DNAH10: variants seen among roughly 807,000 people sequenced by gnomAD.
The protein encoded by DNAH10 is dynein axonemal heavy chain 10.
In DNAH10, 348 loss-of-function variants were observed where a neutral mutation model predicts 506.6. The ratio of observed to expected loss-of-function variants is 0.69; its 90% CI spans 0.63 to 0.75. DNAH10 has a LOEUF of 0.75. Among genes scored for constraint, DNAH10 ranks in the 30% least tolerant of loss-of-function variants. The probability of loss-of-function intolerance (pLI) is 0.00; values close to 1 mark genes in which losing one functional copy is unlikely to be tolerated. For missense variants in DNAH10, 5,179 were observed against 5,787.1 expected, an observed-to-expected ratio of 0.89 and a Z score of 3.41; for synonymous variants, 2,059 against 2,198.6, an observed-to-expected ratio of 0.94 and a Z score of 1.78.
At chr12:123,924,876 T>C (rs1285974055) in intron 67 of DNAH10, among the ~76,000 whole-genome samples, 174 bp from the exon 68 acceptor site, 1 of 152,226 alleles carries the variant, frequency 6.6e-6, no homozygotes, top group Non-Finnish European at 1.5e-5. Flanking sequence ...GTTGCTCCTT[T>C]CTCAATGTCA....
At chr12:123,894,419 G>A (rs771346114) in intron 53 of DNAH10, among the ~76,000 whole-genome samples, 2 of 151,978 alleles carry the variant, frequency 1.3e-5, no homozygotes, top group African/African-American at 2.4e-5. Flanking sequence ...ACTACTGCCC[G>A]GCTAATTTTT....
intron 29 of DNAH10, among the ~76,000 whole-genome samples, chr12:123,841,061 G>A (rs1382273795): frequency 1.3e-5 from 2 of 152,206 alleles, no homozygotes; most frequent in South Asian, 2.1e-4. Flanking sequence ...CTCCAGCAGG[G>A]TTAGGGACAG....
chr12:123,821,907 A>G lies in DNAH10; in HGVS notation c.4179+1149A>G, dbSNP rs115909721. ...AACAAGGCGAAACCCCGTTTCTACT[A>G]AAAAATACAAAAAAAAGTTCCGGGC... On this transcript the variant is annotated intron_variant, in intron 24 of 78. Coordinates refer to ENST00000673944, the MANE Select transcript of DNAH10 (RefSeq NM_001372106.1). 9.4e-3 allele frequency among the ~76,000 whole-genome samples: 1,433 copies of G among 152,018 alleles called. 14 individuals carry two copies. The highest frequency in any genetic ancestry group is 0.031 in the African/African-American group (1,295 of 41,430).
At position 123,866,052 on chromosome 12, in the gene DNAH10, G is replaced by T; in HGVS notation, c.7146G>T (p.Trp2382Cys). The change falls in exon 41 of 79, where the codon TGG (tryptophan) becomes TGT (cysteine). Residue 2382 changes from tryptophan (W) to cysteine (C), a missense_variant. By Grantham distance (215) the Trp-to-Cys change is radical. This residue lies in a region of DNAH10 where 4,844 missense variants were observed against 5,430.5 expected (regional missense o/e 0.89). Coordinates refer to ENST00000673944, the MANE Select transcript of DNAH10 (RefSeq NM_001372106.1). ...AATATCGACCATACTGGAAAAAATG[G>T]GTTAATCAAATACCAAACAAGGTGA... ...NLKYRPYWKK[W>C]VNQIPNKVEQ... 6.2e-7 allele frequency: 1 copy of T among 1,608,120 alleles called. No homozygotes were observed. Among genetic ancestry groups the T allele is most frequent in the Non-Finnish European group, 8.5e-7 (1 of 1,178,184 alleles).
In DNAH10 at chr12:123,843,561, C is replaced by T. The variant is rs552560189; in HGVS notation, c.5360+2016C>T. On this transcript the variant is annotated intron_variant, in intron 30 of 78. Transcript: ENST00000673944. ...ACAAAGGTCAATGTTATTTTTATTG[C>T]TTTTCCTACTTATTTATTTATTTAT... 3.6e-3 allele frequency among the ~76,000 whole-genome samples: 542 copies of T among 151,654 alleles called. 6 individuals carry two copies. Among genetic ancestry groups the T allele is most frequent in the African/African-American group, 0.012 (500 of 40,974 alleles).
chr12:123,765,361 C>T (rs956025080), intron 1 of DNAH10, among the ~76,000 whole-genome samples: 16 of 152,122 alleles, frequency 1.1e-4, no homozygotes, highest in African/African-American at 3.1e-4. Context: ...ATTCACAGAA[C>T]ATAGAATTAC....
rs762202703 is a variant in DNAH10, at chr12:123,774,213, T to C, written c.570T>C (p.Tyr190=). Reference sequence around the variant, plus strand: ...AAATTATGCCAGAAACACTGGAGTATGGAATTATAAACGCTAATGTGCTCC... The same window carrying C: ...AAATTATGCCAGAAACACTGGAGTACGGAATTATAAACGCTAATGTGCTCC... ...AMEIMPETLE[Y]GIINANVLHF... The change falls in exon 5 of 79, where the codon TAT becomes TAC. Residue 190 remains tyrosine (Y), a synonymous_variant. Transcript: ENST00000673944. 2 of 1,611,646 alleles carry C rather than the reference T, an allele frequency of 1.2e-6. No homozygotes were observed. Among genetic ancestry groups the C allele is most frequent in the Non-Finnish European group, 8.5e-7 (1 of 1,179,316 alleles).
intron 16 of DNAH10, among the ~76,000 whole-genome samples, chr12:123,803,273 G>A (rs1436458140): frequency 6.6e-6 from 1 of 152,164 alleles, no homozygotes; most frequent in African/African-American, 2.4e-5. Flanking sequence ...CTTAGCCCGA[G>A]TTTACTGTTC....
chr12:123,917,511 G>A lies in DNAH10; in HGVS notation c.11003-73G>A, dbSNP rs146137385. 9.4e-4 allele frequency: 1,378 copies of A among 1,460,388 alleles called. 11 individuals are homozygous for A. The East Asian group carries it at 0.02, about 21-fold the overall frequency. 90.5% of individuals were successfully genotyped at this position (1,460,388 alleles called of 1,614,324 possible). On this transcript the variant is annotated intron_variant, in intron 63 of 78. Transcript: ENST00000673944. The surrounding 1 kb of genome is among the most constrained non-coding windows in gnomAD (Gnocchi z 5.6). Reference sequence around the variant, plus strand: ...CTGAGACCCGCGCTAAGCTTGTCCCGTCACAGCAGGGCAGCGGGAGAGACT... The same window carrying A: ...CTGAGACCCGCGCTAAGCTTGTCCCATCACAGCAGGGCAGCGGGAGAGACT...
At position 123,931,741 on chromosome 12, in the gene DNAH10, G is replaced by T; in HGVS notation, c.13022G>T (p.Arg4341Leu). The T allele has an allele frequency of 6.2e-7, 1 of 1,614,012 alleles. No individual in the cohort carries two copies. Among genetic ancestry groups the T allele is most frequent in the South Asian group, 1.1e-5 (1 of 91,080 alleles). ...TTTGACTTGGACCAGGTGAGGAAGC[G>T]CCTCGGAACAGGACTCTCCCCCACT... The part of the protein sequence containing the change: ...KVFDLDQVRK[R>L]LGTGLSPTSV... The change falls in exon 75 of 79, where the codon CGC becomes CTC. Residue 4341 changes from arginine (R) to leucine (L), a missense_variant. Around this residue, in one of 3 missense-constraint regions of DNAH10, gnomAD observed 4,844 missense variants for 5,430.5 expected, o/e 0.89. Transcript: ENST00000673944.
chr12:123,762,671 A>T lies in DNAH10; in HGVS notation c.214+121A>T. On this transcript the variant is annotated intron_variant, in intron 1 of 78. Transcript: ENST00000673944. This position sits in a 1 kb window ranked among gnomAD's most constrained non-coding sequence, Gnocchi z 5.0. ...CCGGCCCCGGCCTCAGGTGCTGTCC[A>T]CAAACGCTGCCGCCCGCCACGTGCA... 1 of 1,059,428 alleles carries T rather than the reference A, an allele frequency of 9.4e-7. No individual in the cohort carries two copies. Among genetic ancestry groups the T allele is most frequent in the South Asian group, 1.8e-5 (1 of 56,432 alleles). The allele number at this position is 1,059,428 out of a possible 1,614,324, so 65.6% of individuals were successfully genotyped here. A position where few individuals can be genotyped will look rare whatever the true frequency, so the allele number is the denominator to read the frequency against.
chr12:123,800,372 G>A lies in DNAH10; in HGVS notation c.2446G>A (p.Glu816Lys). The A allele has an allele frequency of 6.2e-7, 1 of 1,612,800 alleles. No homozygotes were observed. ...PELARNVALQ[E>K]DKFLRYTAGI... ...ATTAGCAAGAAATGTTGCTCTCCAG[G>A]AAGACAAATTCCTTAGGTAAAAAAA... Residue 816 changes from glutamate (E) to lysine (K), a missense_variant, in exon 15 of 79, where the codon GAA becomes AAA. Physicochemically the swap from Glu to Lys is moderately conservative, Grantham distance 56. Around this residue, in one of 3 missense-constraint regions of DNAH10, gnomAD observed 4,844 missense variants for 5,430.5 expected, o/e 0.89. Coordinates refer to ENST00000673944, the MANE Select transcript of DNAH10 (RefSeq NM_001372106.1).
At position 123,924,289 on chromosome 12, in the gene DNAH10, C is replaced by G; in HGVS notation, c.11623C>G (p.Leu3875Val). Residue 3875 changes from leucine to valine, a missense_variant, in exon 67 of 79, where the codon CTG becomes GTG. Leu to Val is a conservative substitution (Grantham distance 32, BLOSUM62 1). Coordinates refer to ENST00000673944, the MANE Select transcript of DNAH10 (RefSeq NM_001372106.1). ...LDFFLKGNIS[L>V]EKSKRKKPCA... is the part of the protein sequence containing the mutation. Reference sequence around the variant, plus strand: ...TCTGTTGTGATTAGGAAACATTTCCCTGGAGAAAAGCAAAAGAAAAAAGCC... The same window carrying G: ...TCTGTTGTGATTAGGAAACATTTCCGTGGAGAAAAGCAAAAGAAAAAAGCC... The G allele has an allele frequency of 1.2e-6, 2 of 1,609,192 alleles. No homozygotes were observed. The highest frequency in any genetic ancestry group is 1.7e-6 in the Non-Finnish European group (2 of 1,176,656).
rs191785058 is a variant in DNAH10 at position 123,822,753 on chromosome 12, C to G, written c.4179+1995C>G. On this transcript the variant is annotated intron_variant, in intron 24 of 78. Transcript: ENST00000673944. ...CCCTGGAGAGCTGATGGTATAGATT[C>G]TAGTCTGAGTCCAAGTCCGAATGCG... Among the ~76,000 whole-genome samples the G allele has an allele frequency of 1.1e-3, 164 of 152,286 alleles. 2 individuals are homozygous for G. Among genetic ancestry groups the G allele is most frequent in the Non-Finnish European group, 1.6e-4 (11 of 68,030 alleles).
chr12:123,826,170 AAC>A (rs1179717973), intron 24 of DNAH10, among the ~76,000 whole-genome samples: 2 of 152,186 alleles, frequency 1.3e-5, no homozygotes, highest in Non-Finnish European at 2.9e-5. Flanking sequence ...AGGAAAATAT[AAC>A]ACAGAAAATC....
chr12:123,924,195 CA>C, intron 66 of DNAH10, 82 bp from the exon 67 acceptor site: 1 of 1,471,640 alleles, frequency 6.8e-7, no homozygotes, highest in East Asian at 2.4e-5. Context: ...GGACTTTTCC[CA>C]AAAGTGGGAG....
At chr12:123,866,211 G>A in intron 41 of DNAH10, 138 bp downstream of exon 41, 1 of 185,594 alleles carries the variant, frequency 5.4e-6, no homozygotes, top group Non-Finnish European at 1.0e-5. Flanking sequence ...CAAAATAAGT[G>A]AAAACATGGC....
In DNAH10 at chr12:123,848,870, A is replaced by T; in HGVS notation, c.6090A>T (p.Leu2030Phe). Reference sequence around the variant, plus strand: ...TCCGAAATGCTCTGATCCATCAGTTAACCACGTTCCAGGTGAGACACATGA... The same window carrying T: ...TCCGAAATGCTCTGATCCATCAGTTTACCACGTTCCAGGTGAGACACATGA... Reference protein sequence around the residue: ...QTIRNALIHQLTTFQFEGQEI... With the variant: ...QTIRNALIHQFTTFQFEGQEI... The change falls in exon 34 of 79, where the codon TTA (leucine) becomes TTT (phenylalanine). Residue 2030 changes from leucine (L) to phenylalanine (F), a missense_variant. Physicochemically the swap from Leu to Phe is conservative, Grantham distance 22. Coordinates refer to ENST00000673944, the MANE Select transcript of DNAH10 (RefSeq NM_001372106.1). 6.2e-7 allele frequency: 1 copy of T among 1,613,746 alleles called. No homozygotes were observed. The highest frequency in any genetic ancestry group is 8.5e-7 in the Non-Finnish European group (1 of 1,179,808).
rs541226197 is a variant in DNAH10, at chr12:123,887,193, G to A, written c.8875G>A (p.Asp2959Asn). 3.7e-6 allele frequency: 6 copies of A among 1,613,294 alleles called. No homozygotes were observed. The African/African-American group carries it at 8.0e-5, about 21-fold the overall frequency. ...CTACTCGGAGAACAGTTTCCGGGAA[G>A]ACCTGAAGAGCCTCTATTTGAAACT... is the stretch of plus-strand genomic sequence containing the variant. ...RGYSENSFRE[D>N]LKSLYLKLGI... Residue 2959 changes from aspartate (D) to asparagine (N), a missense_variant, in exon 52 of 79, where the codon GAC becomes AAC. Coordinates refer to ENST00000673944, the MANE Select transcript of DNAH10 (RefSeq NM_001372106.1).
Sources: allele counts gnomAD v4.1 joint callset (sites outside exome capture counted in the v4.1 genomes callset), GRCh38; gene constraint gnomAD v4.1.1; regional missense constraint gnomAD v4.1.1; non-coding constraint Gnocchi (gnomAD v3.1); transcripts MANE v1.5; gene names NCBI Gene and HGNC (gene_info 2026-07-23, HGNC 2026-07-21).